DAB1: variants seen among roughly 807,000 people sequenced by gnomAD.
DAB1 encodes the protein disabled homolog 1.
In DAB1, 15 loss-of-function variants were observed where a neutral mutation model predicts 64.6. The observed-to-expected ratio is 0.23, with a 90% CI of 0.16 to 0.36. The LOEUF (loss-of-function observed/expected upper bound fraction) is 0.36, where lower values mean the gene tolerates loss of function less well. DAB1 is among the 10% of genes least tolerant of loss of function. The pLI is 1.00. For synonymous variants in DAB1, 235 were observed against 251.9 expected (o/e 0.93, Z 0.64); for missense variants, 596 against 706.7 (o/e 0.84, Z 1.78).
At chr1:57,763,520 GA>G (rs913251568) in intron 6 of DAB1, among the ~76,000 whole-genome samples, 12 of 151,240 alleles carry the variant, frequency 7.9e-5, no homozygotes, top group Admixed American at 2.0e-4. Flanking sequence ...ACAGAAAAAG[GA>G]AAAAAAAATT....
chr1:57,984,317 G>A (rs150170400), intron 5 of DAB1, among the ~76,000 whole-genome samples: 98 of 151,404 alleles, frequency 6.5e-4, no homozygotes, highest in Non-Finnish European at 7.7e-4. Flanking sequence ...TCTCTAGGGT[G>A]GTCTTGTGTT....
At chr1:58,158,785 C>T (rs1242330905) in intron 4 of DAB1, among the ~76,000 whole-genome samples, 1 of 100,592 alleles carries the variant, frequency 9.9e-6, no homozygotes, top group Non-Finnish European at 2.2e-5. Flanking sequence ...AAGCAGCCTC[C>T]TGCAGAGCCA....
At chr1:58,303,986 T>C (rs1569624897) in intron 4 of DAB1, among the ~76,000 whole-genome samples, 2 of 152,306 alleles carry the variant, frequency 1.3e-5, no homozygotes, top group East Asian at 1.9e-4. Flanking sequence ...AATTAAGCAC[T>C]GTTTGGAATA....
chr1:58,366,415 A>G (rs1301520293), intron 3 of DAB1, among the ~76,000 whole-genome samples: 3 of 152,218 alleles, frequency 2.0e-5, no homozygotes, highest in Admixed American at 6.5e-5. Context: ...GTGCATTGGA[A>G]TGGCCTACTA....
At chr1:57,366,926 G>A (rs964121435) in intron 1 of DAB1, among the ~76,000 whole-genome samples, 1 of 151,814 alleles carries the variant, frequency 6.6e-6, no homozygotes, top group Non-Finnish European at 1.5e-5. Context: ...ATCACACAAG[G>A]CCAGGCACAG....
At chr1:58,240,629 C>G (rs956393392) in intron 4 of DAB1, among the ~76,000 whole-genome samples, 22 of 152,158 alleles carry the variant, frequency 1.4e-4, no homozygotes, top group African/African-American at 5.3e-4. Flanking sequence ...CTTCACTTGT[C>G]CAGCAACCTC....
At chr1:58,398,958 A>T (rs1300011944) in intron 3 of DAB1, among the ~76,000 whole-genome samples, 1 of 152,240 alleles carries the variant, frequency 6.6e-6, no homozygotes, top group Non-Finnish European at 1.5e-5. Context: ...TGGAGAACCA[A>T]ATTTTAAAAA....
Position 58,131,153 on chromosome 1 carries a change from A to G in DAB1, n.387+19358T>C, listed in dbSNP as rs1292069797. Among the ~76,000 whole-genome samples, 10 of 145,664 alleles carry G rather than the reference A, an allele frequency of 6.9e-5. 1 individual carries two copies. The highest frequency in any genetic ancestry group is 2.5e-4 in the African/African-American group (10 of 39,540). ...CCCATATTTCTTGGAGGCTTTGCTC[A>G]TTTCTTTTTATTCTTTTTTCTCTAG... On this transcript the variant is annotated intron_variant and non_coding_transcript_variant, in intron 5 of 20. Coordinates refer to the DAB1 transcript ENST00000485760.
chr1:57,768,182 A>AG (rs1168379453), intron 6 of DAB1, among the ~76,000 whole-genome samples: 3 of 148,368 alleles, frequency 2.0e-5, no homozygotes, highest in African/African-American at 7.7e-5. Flanking sequence ...GTCTAAAAAA[A>AG]AAAAAAAAAA....
chr1:57,072,898 A>G lies in DAB1; in HGVS notation c.307-484T>C, dbSNP rs567661989. ...CAACACTTTTCCAGCTGATGGTGAT[A>G]GAGTGTGTTGAGGAATAAATGCCTT... On this transcript the variant is annotated intron_variant, in intron 4 of 14. Coordinates refer to ENST00000371236, the MANE Select transcript of DAB1 (RefSeq NM_001365792.1). 2.0e-5 allele frequency among the ~76,000 whole-genome samples: 3 copies of G among 152,346 alleles called. No individual in the cohort carries two copies. The East Asian group carries it at 5.8e-4, about 29-fold the overall frequency.
chr1:57,476,716 G>A (rs1435142891), intron 7 of DAB1, among the ~76,000 whole-genome samples: 1 of 152,214 alleles, frequency 6.6e-6, no homozygotes, highest in Non-Finnish European at 1.5e-5. Context: ...AGACTGACAT[G>A]TAAGCAGTTA....
chr1:57,148,967 C>T (rs116077468), intron 2 of DAB1, among the ~76,000 whole-genome samples: 1 of 152,184 alleles, frequency 6.6e-6, no homozygotes, highest in Non-Finnish European at 1.5e-5. Flanking sequence ...TTTGTCATCC[C>T]ACAAAGAAGC....
intron 3 of DAB1, among the ~76,000 whole-genome samples, chr1:58,447,854 A>C (rs1435189106): frequency 7.7e-5 from 1 of 12,966 alleles, no homozygotes; most frequent in Non-Finnish European, 8.9e-4. Flanking sequence ...AAAATGACTT[A>C]AACAAAAAAA....
intron 6 of DAB1, among the ~76,000 whole-genome samples, chr1:57,720,533 C>T (rs1026306309): frequency 6.6e-6 from 1 of 152,122 alleles, no homozygotes. Flanking sequence ...ATCAGATGGC[C>T]CTGGGAATTT....
chr1:57,112,645 G>A (rs1027780866), intron 4 of DAB1, among the ~76,000 whole-genome samples: 1 of 152,062 alleles, frequency 6.6e-6, no homozygotes, highest in Non-Finnish European at 1.5e-5. Flanking sequence ...TTGCACATGA[G>A]CTTTCAGGTC....
At chr1:58,214,479 GAGAAA>G (rs965430404) in intron 4 of DAB1, among the ~76,000 whole-genome samples, 1 of 152,176 alleles carries the variant, frequency 6.6e-6, no homozygotes, top group African/African-American at 2.4e-5. Context: ...GAGTGTGGCA[GAGAAA>G]AGCCAAAAGA....
intron 7 of DAB1, among the ~76,000 whole-genome samples, chr1:57,535,497 G>A (rs1302204490): frequency 8.2e-6 from 1 of 121,748 alleles, no homozygotes; most frequent in Non-Finnish European, 1.6e-5. Flanking sequence ...TGGAGACTGT[G>A]TCTTGCTCTG....
At chr1:58,036,628 G>A (rs539760746) in intron 5 of DAB1, among the ~76,000 whole-genome samples, 1 of 151,656 alleles carries the variant, frequency 6.6e-6, no homozygotes, top group African/African-American at 2.4e-5. Context: ...ATTTTTTTTC[G>A]AGAGTCTGTG....
chr1:57,023,616 G>A lies in DAB1; in HGVS notation c.810C>T (p.Ala270=). 6.2e-7 allele frequency: 1 copy of A among 1,611,962 alleles called. No homozygotes were observed. The highest frequency in any genetic ancestry group is 8.5e-7 in the Non-Finnish European group (1 of 1,179,082). Residue 270 remains alanine, a synonymous_variant, in exon 11 of 15, where the codon GCC becomes GCT. Transcript: ENST00000371236. Reference sequence around the variant, plus strand: ...GGGTCTGAGATGAAGATGGGATAAAGGCATCACCTGGAGTTGCAGGAGTCT... The same window carrying A: ...GGGTCTGAGATGAAGATGGGATAAAAGCATCACCTGGAGTTGCAGGAGTCT... ...SPPTPATPGD[A]FIPSSSQTLP... is the part of the protein sequence containing the mutation.
Sources: gnomAD v4.1 joint callset for allele counts (sites outside exome capture counted in the v4.1 genomes callset) on GRCh38, gnomAD v4.1.1 for gene constraint, MANE v1.5 for transcripts, NCBI Gene and HGNC (gene_info 2026-07-23, HGNC 2026-07-21) for gene names.